Variants in RANBP3 observed in about 807,000 individuals in gnomAD.
RANBP3 encodes ran-binding protein 3.
In RANBP3, 14 loss-of-function variants were observed where a neutral mutation model predicts 77.3. The ratio of observed to expected loss-of-function variants is 0.18; its 90% CI spans 0.12 to 0.28. The LOEUF is 0.28. RANBP3 is among the 10% of genes least tolerant of loss of function. The pLI, the probability that RANBP3 is intolerant of heterozygous loss-of-function variation, is 1.00. For synonymous variants in RANBP3, 315 were observed against 312.4 expected (o/e 1.01, Z -0.09); for missense variants, 586 against 752.3 (o/e 0.78, Z 2.59).
intron 1 of RANBP3, 118 bp downstream of exon 1, chr19:5,977,943 G>T: frequency 1.5e-6 from 2 of 1,346,756 alleles, no homozygotes; most frequent in Non-Finnish European, 2.0e-6. Flanking sequence ...CACGGCGCTA[G>T]CCTGGAGCGG....
At chr19:5,925,845 G>A in intron 9 of RANBP3, 108 bp from the exon 10 acceptor site, 1 of 865,328 alleles carries the variant, frequency 1.2e-6, no homozygotes, top group South Asian at 1.4e-5. Flanking sequence ...TCGGAGCCAT[G>A]AACCCTCTCC....
chr19:5,947,146 T>C (rs1599761922), intron 3 of RANBP3, among the ~76,000 whole-genome samples: 2 of 151,732 alleles, frequency 1.3e-5, no homozygotes, highest in East Asian at 3.9e-4. Context: ...AAACCCCGTC[T>C]CTACTAAAAA....
At chr19:5,969,090 C>T (rs963243831) in intron 1 of RANBP3, among the ~76,000 whole-genome samples, 1 of 152,158 alleles carries the variant, frequency 6.6e-6, no homozygotes, top group Non-Finnish European at 1.5e-5. Context: ...AAAGGAAGAG[C>T]CTGGAGGCCC....
At chr19:5,975,897 G>A (rs1347178274) in intron 1 of RANBP3, among the ~76,000 whole-genome samples, 3 of 151,830 alleles carry the variant, frequency 2.0e-5, no homozygotes, top group East Asian at 1.9e-4. Flanking sequence ...AACTGAAAAA[G>A]CCAGAGTAGT....
chr19:5,927,492 A>G (rs1568450464), intron 9 of RANBP3, among the ~76,000 whole-genome samples: 1 of 152,326 alleles, frequency 6.6e-6, no homozygotes, highest in East Asian at 1.9e-4. Flanking sequence ...GGGTGGGTGG[A>G]GGCCAGTGAT....
At chr19:5,948,596 A>G (rs1205166005) in intron 3 of RANBP3, among the ~76,000 whole-genome samples, 1 of 152,196 alleles carries the variant, frequency 6.6e-6, no homozygotes, top group Non-Finnish European at 1.5e-5. Context: ...GGCCAGTTCA[A>G]TGCTTTTTAT....
At chr19:5,918,435 A>G in intron 15 of RANBP3, 61 bp downstream of exon 15, 1 of 1,033,404 alleles carries the variant, frequency 9.7e-7, no homozygotes, top group Non-Finnish European at 1.2e-6. Flanking sequence ...CTGTGTGCCC[A>G]GGAACCCCCA....
intron 2 of RANBP3, among the ~76,000 whole-genome samples, chr19:5,957,202 T>C (rs997365553): frequency 6.6e-6 from 1 of 152,102 alleles, no homozygotes; most frequent in South Asian, 2.1e-4. Context: ...ACTCTGACCA[T>C]CCACACCGAT....
At chr19:5,925,786 G>A in intron 9 of RANBP3, 49 bp from the exon 10 acceptor site, 1 of 1,482,480 alleles carries the variant, frequency 6.7e-7, no homozygotes, top group Non-Finnish European at 9.4e-7. Context: ...GGGGTGCCTG[G>A]AGTTCCACAG....
At chr19:5,955,473 C>A (rs1019183078) in intron 2 of RANBP3, among the ~76,000 whole-genome samples, 5 of 152,222 alleles carry the variant, frequency 3.3e-5, no homozygotes, top group African/African-American at 4.8e-5. Context: ...ATGTAATTGG[C>A]ATAGACCCCT....
intron 1 of RANBP3, among the ~76,000 whole-genome samples, chr19:5,966,884 A>G (rs2058473878): frequency 6.6e-6 from 1 of 152,224 alleles, no homozygotes; most frequent in South Asian, 2.1e-4. Flanking sequence ...GATATGTCTT[A>G]ATCTTCTTAC....
At chr19:5,949,227 T>A (rs572393905) in intron 3 of RANBP3, among the ~76,000 whole-genome samples, 1 of 152,350 alleles carries the variant, frequency 6.6e-6, no homozygotes, top group South Asian at 2.1e-4. Context: ...TTTCTTCTGA[T>A]GCAAACGAAA....
At chr19:5,925,038 C>A in intron 10 of RANBP3, 133 bp from the exon 11 acceptor site, 1 of 810,984 alleles carries the variant, frequency 1.2e-6, no homozygotes, top group South Asian at 1.4e-5. Context: ...CACGGGGTGG[C>A]GTGTCAGAGG....
chr19:5,929,971 G>A (rs1049727158), intron 8 of RANBP3, among the ~76,000 whole-genome samples: 1 of 152,260 alleles, frequency 6.6e-6, no homozygotes, highest in Non-Finnish European at 1.5e-5. Flanking sequence ...GCACTGCTGA[G>A]AAGGGGCTGG....
At chr19:5,966,720 G>C (rs1046768960) in intron 1 of RANBP3, among the ~76,000 whole-genome samples, 1 of 152,236 alleles carries the variant, frequency 6.6e-6, no homozygotes, top group Admixed American at 6.5e-5. Context: ...ATATAAGAGA[G>C]AATCTGGAAT....
chr19:5,917,381 GTTC>G lies in RANBP3; in HGVS notation c.*226_*228del. On this transcript the variant is annotated 3_prime_UTR_variant, in exon 17 of 17. Coordinates refer to ENST00000340578, the MANE Select transcript of RANBP3 (RefSeq NM_007322.3). ...ATTCAAAGGAGGGGAGGGAGGAAAT[GTTC>G]TTGTTTGTTCGCTCATCAATATGAT... The G allele has an allele frequency of 1.9e-6, 1 of 533,818 alleles. No individual in the cohort carries two copies. The allele number at this position is 533,818 out of a possible 1,614,324, so 33.1% of individuals were successfully genotyped here. A position where few individuals can be genotyped will look rare whatever the true frequency, so the allele number is the denominator to read the frequency against.
intron 13 of RANBP3, 32 bp downstream of exon 13, chr19:5,923,162 C>A (rs752643964): frequency 6.3e-7 from 1 of 1,588,810 alleles, no homozygotes; most frequent in Non-Finnish European, 8.6e-7. Flanking sequence ...CATGGAAGAC[C>A]CAGGGCCACC....
intron 3 of RANBP3, among the ~76,000 whole-genome samples, chr19:5,948,440 G>A (rs1041861600): frequency 3.3e-5 from 5 of 149,772 alleles, no homozygotes; most frequent in Non-Finnish European, 3.0e-5. Context: ...GCGACAGAGC[G>A]AGACTCCATG....
chr19:5,923,420 T>A, intron 12 of RANBP3, 117 bp from the exon 13 acceptor site: 1 of 986,952 alleles, frequency 1.0e-6, no homozygotes, highest in Non-Finnish European at 1.5e-6. Context: ...CTGCTGCCCC[T>A]GGCAGGCCTG....
Sources: allele counts gnomAD v4.1 joint callset (sites outside exome capture counted in the v4.1 genomes callset), GRCh38; gene constraint gnomAD v4.1.1; transcripts MANE v1.5; gene names NCBI Gene and HGNC (gene_info 2026-07-23, HGNC 2026-07-21).